The following TMCO4 variants were observed in gnomAD, a reference collection of about 807,000 sequenced individuals.
TMCO4 encodes transmembrane and coiled-coil domains 4, also known as transmembrane and coiled-coil domain-containing protein 4.
A neutral mutation model predicts 64.7 loss-of-function variants in TMCO4; 58 were observed. That is an observed-to-expected ratio of 0.90 (90% CI 0.73 to 1.12). The LOEUF is 1.12. Among genes scored for constraint, TMCO4 ranks in the 50% most tolerant of loss-of-function variants. The probability of loss-of-function intolerance (pLI) is 0.00; values close to 1 mark genes in which losing one functional copy is unlikely to be tolerated. For missense variants in TMCO4, 780 were observed against 825.9 expected, an observed-to-expected ratio of 0.94 and a Z score of 0.68; for synonymous variants, 325 against 346.1, an observed-to-expected ratio of 0.94 and a Z score of 0.68.
chr1:19,790,364 C>T (rs1404351932), intron 2 of TMCO4, among the ~76,000 whole-genome samples: 5 of 152,116 alleles, frequency 3.3e-5, no homozygotes, highest in Admixed American at 3.3e-4. Flanking sequence ...AAGAAACTAT[C>T]ATCAGAGTGA....
At chr1:19,757,997 G>A (rs753103953) in intron 6 of TMCO4, among the ~76,000 whole-genome samples, 4 of 152,176 alleles carry the variant, frequency 2.6e-5, no homozygotes, top group South Asian at 2.1e-4. Flanking sequence ...TGTCTAAAAC[G>A]CTAATTCCCC....
At chr1:19,745,987 A>G (rs972262645) in intron 9 of TMCO4, among the ~76,000 whole-genome samples, 1 of 152,184 alleles carries the variant, frequency 6.6e-6, no homozygotes, top group Non-Finnish European at 1.5e-5. Context: ...ACTTAGTAAC[A>G]GTGAATCAAA....
intron 14 of TMCO4, among the ~76,000 whole-genome samples, chr1:19,697,773 A>ATT (rs55842212): frequency 7.2e-5 from 9 of 125,592 alleles, no homozygotes; most frequent in East Asian, 7.0e-4. Context: ...TAATTTTTGT[A>ATT]TTTTTTTTTT....
chr1:19,751,483 G>A lies in TMCO4; in HGVS notation c.515+4151C>T, dbSNP rs2042015490. On this transcript the variant is annotated intron_variant, in intron 7 of 15. Coordinates refer to ENST00000294543, the MANE Select transcript of TMCO4 (RefSeq NM_181719.7). Reference sequence around the variant, plus strand: ...ATGGTGGTGCACACCTGTGGTCCACGCTACTTGGAAGGTTGAGGTGGGAGG... The same window carrying A: ...ATGGTGGTGCACACCTGTGGTCCACACTACTTGGAAGGTTGAGGTGGGAGG... 2.6e-5 allele frequency among the ~76,000 whole-genome samples: 4 copies of A among 152,196 alleles called. No individual in the cohort carries two copies. In the South Asian group the frequency reaches 8.3e-4, roughly 32 times the overall value.
chr1:19,759,764 T>G (rs2042417308), intron 6 of TMCO4, among the ~76,000 whole-genome samples: 1 of 152,210 alleles, frequency 6.6e-6, no homozygotes, highest in South Asian at 2.1e-4. Flanking sequence ...CCCATCTCCA[T>G]TACCCCATTT....
chr1:19,755,019 C>T (rs185679121), intron 7 of TMCO4, among the ~76,000 whole-genome samples: 1 of 152,312 alleles, frequency 6.6e-6, no homozygotes, highest in African/African-American at 2.4e-5. Flanking sequence ...GTCAATTGTG[C>T]CCGTGAACCA....
At chr1:19,767,691 G>A (rs1363407865) in intron 6 of TMCO4, among the ~76,000 whole-genome samples, 1 of 152,180 alleles carries the variant, frequency 6.6e-6, no homozygotes. Context: ...AGGAAGGGCT[G>A]ACCCAGGAGG....
At chr1:19,706,390 T>C (rs920434539) in intron 13 of TMCO4, among the ~76,000 whole-genome samples, 2 of 152,198 alleles carry the variant, frequency 1.3e-5, no homozygotes, top group Non-Finnish European at 2.9e-5. Context: ...GGACAATGAG[T>C]GTTTGCTGAA....
chr1:19,737,003 A>T (rs973145776), intron 13 of TMCO4, among the ~76,000 whole-genome samples: 5 of 152,204 alleles, frequency 3.3e-5, no homozygotes, highest in African/African-American at 1.2e-4. Flanking sequence ...GCTGGCAGCC[A>T]CAAGAAGTTG....
chr1:19,767,082 T>G (rs925501934), intron 6 of TMCO4, among the ~76,000 whole-genome samples: 3 of 152,218 alleles, frequency 2.0e-5, no homozygotes, highest in Non-Finnish European at 4.4e-5. Context: ...TATGAGGTAT[T>G]ATTATATTCC....
At position 19,787,012 on chromosome 1, in the gene TMCO4, C is replaced by T. The variant is rs924971406; in HGVS notation, c.-9+14G>A. On this transcript the variant is annotated intron_variant, in intron 3 of 15. Transcript: ENST00000294543. ...TAAGGGGCTACTGAAGGAAAAGAAA[C>T]CTTCAATACTTACCCAGATTTCAAG... 1 of 152,224 alleles carries T rather than the reference C, an allele frequency of 6.6e-6. No homozygotes were observed. The highest frequency in any genetic ancestry group is 1.5e-5 in the Non-Finnish European group (1 of 68,036). The allele number at this position is 152,224 out of a possible 1,614,324, so 9.4% of individuals were successfully genotyped here. A position where few individuals can be genotyped will look rare whatever the true frequency, so the allele number is the denominator to read the frequency against.
At chr1:19,690,866 CTTTTTTTTTTT>C (rs34764589) in intron 15 of TMCO4, among the ~76,000 whole-genome samples, 3 of 111,286 alleles carry the variant, frequency 2.7e-5, no homozygotes, top group Non-Finnish European at 5.3e-5. Flanking sequence ...TGTGAAGACT[CTTTTTTTTTTT>C]TTTTTTTTTG....
chr1:19,770,062 G>A (rs1320186344), intron 6 of TMCO4, among the ~76,000 whole-genome samples: 3 of 152,268 alleles, frequency 2.0e-5, no homozygotes, highest in Non-Finnish European at 4.4e-5. Flanking sequence ...CCACACCAGA[G>A]GGGCTGATTT....
At chr1:19,784,845 TAAAAAA>T (rs34693780) in intron 3 of TMCO4, among the ~76,000 whole-genome samples, 4 of 97,846 alleles carry the variant, frequency 4.1e-5, no homozygotes, top group Non-Finnish European at 7.8e-5. Flanking sequence ...GCTGATGCAC[TAAAAAA>T]AAAAAAAAAA....
intron 12 of TMCO4, among the ~76,000 whole-genome samples, chr1:19,739,303 T>A (rs1363215314): frequency 6.6e-6 from 1 of 152,206 alleles, no homozygotes; most frequent in African/African-American, 2.4e-5. Context: ...TCCTAACCAT[T>A]TTACATGGTA....
At chr1:19,745,825 T>C (rs2041750701) in intron 9 of TMCO4, among the ~76,000 whole-genome samples, 174 bp from the exon 10 acceptor site, 1 of 152,138 alleles carries the variant, frequency 6.6e-6, no homozygotes, top group African/African-American at 2.4e-5. Flanking sequence ...TGTCCCTGAT[T>C]ACAGACGAAA....
chr1:19,787,598 C>A (rs937836706), intron 2 of TMCO4, among the ~76,000 whole-genome samples: 6 of 152,148 alleles, frequency 3.9e-5, no homozygotes, highest in African/African-American at 1.4e-4. Context: ...TTCTCACATG[C>A]CAATGGAGCA....
rs33963523 is a variant in TMCO4, at chr1:19,764,842, CAAAAAAAAA to C, written c.382+5691_382+5699del. Among the ~76,000 whole-genome samples, 6 of 70,444 alleles carry C rather than the reference CAAAAAAAAA, an allele frequency of 8.5e-5. No individual in the cohort carries two copies. The South Asian group carries it at 1.6e-3, about 19-fold the overall frequency. The allele number at this position is 70,444 out of a possible 152,430, so 46.2% of individuals were successfully genotyped here. On this transcript the variant is annotated intron_variant, in intron 6 of 15. Coordinates refer to ENST00000294543, the MANE Select transcript of TMCO4 (RefSeq NM_181719.7). Reference sequence around the variant, plus strand: ...TGCACTCAAGAGTGAAACTCTGTCTCAAAAAAAAAAAAAAAAAAAAAAAAAAGGATGTTG... The same window carrying C: ...TGCACTCAAGAGTGAAACTCTGTCTCAAAAAAAAAAAAAAAAAGGATGTTG...
chr1:19,742,761 G>A (rs2095485275), intron 10 of TMCO4, among the ~76,000 whole-genome samples: 1 of 152,166 alleles, frequency 6.6e-6, no homozygotes, highest in East Asian at 1.9e-4. Flanking sequence ...TCTGACTCAG[G>A]TGTGGTGGGG....
Sources: gnomAD v4.1 joint callset for allele counts (sites outside exome capture counted in the v4.1 genomes callset) on GRCh38, gnomAD v4.1.1 for gene constraint, MANE v1.5 for transcripts, NCBI Gene and HGNC (gene_info 2026-07-23, HGNC 2026-07-21) for gene names.